C2CD3: variants seen among roughly 807,000 people sequenced by gnomAD.
C2CD3 encodes the protein C2 domain-containing protein 3.
A neutral mutation model predicts 234.0 loss-of-function variants in C2CD3; 148 were observed. That is an observed-to-expected ratio of 0.63 (90% CI 0.55 to 0.72). C2CD3 has a LOEUF of 0.72. Among genes scored for constraint, C2CD3 ranks in the 30% least tolerant of loss-of-function variants. C2CD3 has a pLI of 0.00. For synonymous variants in C2CD3, 1,000 were observed against 1,035.4 expected, an observed-to-expected ratio of 0.97 and a Z score of 0.66; for missense variants, 2,577 against 2,811.5, an observed-to-expected ratio of 0.92 and a Z score of 1.89.
Position 74,090,700 on chromosome 11 carries a change from T to G in C2CD3, c.3641+113A>C, listed in dbSNP as rs1168981600. 3 of 1,103,554 alleles carry G rather than the reference T, an allele frequency of 2.7e-6. No homozygotes were observed. In the African/African-American group the frequency reaches 4.7e-5, roughly 17 times the overall value. 68.4% of individuals were successfully genotyped at this position (1,103,554 alleles called of 1,614,324 possible). A position where few individuals can be genotyped will look rare whatever the true frequency, so the allele number is the denominator to read the frequency against. On this transcript the variant is annotated intron_variant, in intron 20 of 32. Coordinates refer to ENST00000334126, the MANE Select transcript of C2CD3 (RefSeq NM_001286577.2). Reference sequence around the variant, plus strand: ...TGCTTTATTAACAGAAAAAGAGGAGTTGTGGTTAGTGAACTGGAAATTATA... The same window carrying G: ...TGCTTTATTAACAGAAAAAGAGGAGGTGTGGTTAGTGAACTGGAAATTATA...
intron 32 of C2CD3, among the ~76,000 whole-genome samples, chr11:74,018,603 C>T (rs73552738): frequency 0.025 from 3,880 of 152,270 alleles, 154 homozygotes; most frequent in African/African-American, 0.087. Context: ...AATATAGCTG[C>T]CTGCCTTGCT....
chr11:74,096,768 A>T (rs1470097580), intron 16 of C2CD3, among the ~76,000 whole-genome samples: 1 of 152,212 alleles, frequency 6.6e-6, no homozygotes, highest in Non-Finnish European at 1.5e-5. Context: ...ACTTGGGGAT[A>T]TTAATGTGGC....
chr11:74,161,558 T>TA lies in C2CD3; in HGVS notation c.326-3dup. On this transcript the variant is annotated splice_region_variant and splice_polypyrimidine_tract_variant and intron_variant, in intron 2 of 32. Transcript: ENST00000334126. ...CTTCCAGCACCAGCACAGCCATATC[T>TA]AACCAGAAACAATTACAACATGGAT... 6.5e-7 allele frequency: 1 copy of TA among 1,549,808 alleles called. No homozygotes were observed. The highest frequency in any genetic ancestry group is 2.1e-5 in the Admixed American group (1 of 46,542).
rs1188641099 is a variant in C2CD3, at chr11:74,048,186, T to A, written c.5495+19A>T. 1 of 1,611,102 alleles carries A rather than the reference T, an allele frequency of 6.2e-7. No individual in the cohort carries two copies. Among genetic ancestry groups the A allele is most frequent in the Non-Finnish European group, 8.5e-7 (1 of 1,178,548 alleles). Reference sequence around the variant, plus strand: ...CATTTTTTAACCCCATTTCTTCTCATCATCAAGAATTCACTCACCTCCCAG... The same window carrying A: ...CATTTTTTAACCCCATTTCTTCTCAACATCAAGAATTCACTCACCTCCCAG... On this transcript the variant is annotated intron_variant, in intron 28 of 32. Transcript: ENST00000334126.
intron 15 of C2CD3, among the ~76,000 whole-genome samples, chr11:74,098,624 T>C (rs1956201443): frequency 6.6e-6 from 1 of 152,186 alleles, no homozygotes; most frequent in Non-Finnish European, 1.5e-5. Context: ...CAGATAAGAT[T>C]TGGAAAATAT....
intron 3 of C2CD3, among the ~76,000 whole-genome samples, chr11:74,151,387 G>A (rs554609038): frequency 4.6e-5 from 7 of 150,620 alleles, no homozygotes; most frequent in Admixed American, 2.6e-4. Flanking sequence ...GCATGATCTC[G>A]GCCCACTGCA....
chr11:74,111,538 A>T (rs1956743656), intron 11 of C2CD3, among the ~76,000 whole-genome samples: 1 of 152,218 alleles, frequency 6.6e-6, no homozygotes, highest in Admixed American at 6.5e-5. Context: ...AAGATATCTT[A>T]TTAATGTATA....
chr11:74,091,915 A>G (rs1955907257), intron 19 of C2CD3, among the ~76,000 whole-genome samples: 1 of 152,120 alleles, frequency 6.6e-6, no homozygotes, highest in South Asian at 2.1e-4. Context: ...TTTCCAAGAC[A>G]AGGTGTCTTA....
chr11:74,056,474 T>C (rs1205891507), intron 25 of C2CD3, among the ~76,000 whole-genome samples: 1 of 152,228 alleles, frequency 6.6e-6, no homozygotes, highest in African/African-American at 2.4e-5. Context: ...ATTTGTTGTA[T>C]ACCTGCTATA....
In C2CD3 at chr11:74,117,048, G is replaced by GTATATATATATGAA. The variant is rs1389705795; in HGVS notation, c.1520+1166_1520+1179dup. Among the ~76,000 whole-genome samples, 9 of 49,038 alleles carry GTATATATATATGAA rather than the reference G, an allele frequency of 1.8e-4. 3 individuals carry two copies. The highest frequency in any genetic ancestry group is 6.2e-4 in the African/African-American group (8 of 12,964). The allele number at this position is 49,038 out of a possible 152,430, so 32.2% of individuals were successfully genotyped here. A position where few individuals can be genotyped will look rare whatever the true frequency, so the allele number is the denominator to read the frequency against. ...TGTATATGTATATATACGTGTGTGT[G>GTATATATATATGAA]TATATATATATGAATATATATATAT... On this transcript the variant is annotated intron_variant, in intron 9 of 32. Coordinates refer to ENST00000334126, the MANE Select transcript of C2CD3 (RefSeq NM_001286577.2).
intron 32 of C2CD3, among the ~76,000 whole-genome samples, chr11:74,026,411 G>A (rs1262459677): frequency 6.6e-6 from 1 of 152,180 alleles, no homozygotes; most frequent in Non-Finnish European, 1.5e-5. Flanking sequence ...GGTTGGAAGA[G>A]GATGGGGAAA....
At chr11:74,102,525 G>A (rs1245278473) in intron 14 of C2CD3, among the ~76,000 whole-genome samples, 1 of 152,190 alleles carries the variant, frequency 6.6e-6, no homozygotes, top group African/African-American at 2.4e-5. Flanking sequence ...GGGAGAAGTG[G>A]GTTGATTTGG....
At position 74,034,298 on chromosome 11, in the gene C2CD3, A is replaced by G; in HGVS notation, c.5882-20T>C. On this transcript the variant is annotated intron_variant, in intron 30 of 32. Transcript: ENST00000334126. ...GCAGATCTGAACAGCAACACATATC[A>G]CTCTTATTACAAGGTAGGGCCACAG... is the stretch of plus-strand genomic sequence containing the variant. 6.6e-7 allele frequency: 1 copy of G among 1,523,702 alleles called. No individual in the cohort carries two copies. Among genetic ancestry groups the G allele is most frequent in the Non-Finnish European group, 8.8e-7 (1 of 1,139,770 alleles). 94.4% of individuals were successfully genotyped at this position (1,523,702 alleles called of 1,614,324 possible).
chr11:74,156,459 CA>C (rs530606913), intron 3 of C2CD3, among the ~76,000 whole-genome samples: 2,065 of 40,884 alleles, frequency 0.051, 27 homozygotes, highest in African/African-American at 0.14. Context: ...GACCCTATCT[CA>C]AAAAAAAAAA....
chr11:74,043,591 C>A (rs826077), intron 28 of C2CD3, among the ~76,000 whole-genome samples: 1 of 151,820 alleles, frequency 6.6e-6, no homozygotes, highest in Non-Finnish European at 1.5e-5. Flanking sequence ...ACTATCCCAC[C>A]GGCAATGTAT....
At chr11:74,055,609 C>G (rs530236654) in intron 25 of C2CD3, among the ~76,000 whole-genome samples, 12 of 152,312 alleles carry the variant, frequency 7.9e-5, no homozygotes, top group African/African-American at 2.6e-4. Context: ...TTAAAAGATT[C>G]ACCTCTGAAT....
intron 11 of C2CD3, among the ~76,000 whole-genome samples, chr11:74,109,794 C>A (rs770290025): frequency 3.9e-5 from 6 of 151,964 alleles, no homozygotes; most frequent in Non-Finnish European, 8.8e-5. Flanking sequence ...AATTTGAGGC[C>A]GGGTGCGGTG....
At chr11:74,148,115 G>A (rs999524576) in intron 3 of C2CD3, among the ~76,000 whole-genome samples, 2 of 151,976 alleles carry the variant, frequency 1.3e-5, no homozygotes, top group African/African-American at 4.8e-5. Context: ...ATTTTGCCAA[G>A]ATTCTACCTT....
chr11:74,067,013 C>T (rs1381196280), intron 24 of C2CD3, among the ~76,000 whole-genome samples: 1 of 152,200 alleles, frequency 6.6e-6, no homozygotes, highest in African/African-American at 2.4e-5. Context: ...TTCCATAATA[C>T]AACCATATTT....
Sources: allele counts gnomAD v4.1 joint callset (sites outside exome capture counted in the v4.1 genomes callset), GRCh38; gene constraint gnomAD v4.1.1; transcripts MANE v1.5; gene names NCBI Gene and HGNC (gene_info 2026-07-23, HGNC 2026-07-21).